The following CATSPERT variants were observed in gnomAD, a reference collection of about 807,000 sequenced individuals.
CATSPERT encodes the protein catsper channel auxiliary subunit tau, also known as cation channel sperm-associated targeting subunit tau.
the CATSPERT span, chr2:201,496,022 A>AAT: frequency 1.7e-6 from 2 of 1,187,032 alleles, no homozygotes; most frequent in Non-Finnish European, 2.4e-6. Flanking sequence ...AAGAATATCA[A>AAT]GATCATTTTA....
chr2:201,526,848 C>A, the CATSPERT span, among the ~76,000 whole-genome samples: 2 of 152,098 alleles, frequency 1.3e-5, no homozygotes, highest in African/African-American at 4.8e-5. Context: ...CCTTGAGAAC[C>A]AAAACAAGAC....
chr2:201,616,509 C>A, the CATSPERT span, among the ~76,000 whole-genome samples: 1 of 152,126 alleles, frequency 6.6e-6, no homozygotes, highest in Non-Finnish European at 1.5e-5. Flanking sequence ...ATTCAACAGC[C>A]CTTCATGCTA....
At chr2:201,613,976 G>C in the CATSPERT span, among the ~76,000 whole-genome samples, 3 of 152,130 alleles carry the variant, frequency 2.0e-5, no homozygotes, top group African/African-American at 7.2e-5. Flanking sequence ...AAGATCAAAT[G>C]AATGAAATGA....
the CATSPERT span, among the ~76,000 whole-genome samples, chr2:201,578,545 C>T: frequency 1.3e-5 from 2 of 152,002 alleles, no homozygotes; most frequent in Non-Finnish European, 2.9e-5. Flanking sequence ...TTTTCAGTTC[C>T]AGAATATGTA....
the CATSPERT span, among the ~76,000 whole-genome samples, chr2:201,611,724 A>C: frequency 6.6e-6 from 1 of 152,084 alleles, no homozygotes; most frequent in Non-Finnish European, 1.5e-5. Flanking sequence ...TTGAATTATG[A>C]GAAAATATTT....
the CATSPERT span, among the ~76,000 whole-genome samples, chr2:201,613,643 C>A: frequency 6.6e-6 from 1 of 152,118 alleles, no homozygotes; most frequent in African/African-American, 2.4e-5. Flanking sequence ...ATCAGAGTGC[C>A]GTTTCTCCTA....
At chr2:201,534,795 CTT>C in the CATSPERT span, 8 of 915,832 alleles carry the variant, frequency 8.7e-6, no homozygotes, top group Non-Finnish European at 1.0e-5. Context: ...TAATTTCAAA[CTT>C]AATGTCCAAC....
chr2:201,613,434 C>G, the CATSPERT span, among the ~76,000 whole-genome samples: 35 of 152,300 alleles, frequency 2.3e-4, no homozygotes, highest in African/African-American at 7.5e-4. Context: ...GATACCCAGG[C>G]AAACAGGGTC....
the CATSPERT span, among the ~76,000 whole-genome samples, chr2:201,607,454 C>T: frequency 6.6e-6 from 1 of 152,132 alleles, no homozygotes; most frequent in Non-Finnish European, 1.5e-5. Context: ...GAGTTCGAGA[C>T]CAGCCTGGGA....
the CATSPERT span, chr2:201,603,133 A>G: frequency 5.1e-6 from 6 of 1,177,030 alleles, no homozygotes; most frequent in Non-Finnish European, 2.4e-6. Flanking sequence ...GTGTTAAGCC[A>G]CTAAGTTTTG....
At chr2:201,541,531 T>TCATA in the CATSPERT span, among the ~76,000 whole-genome samples, 1 of 92,768 alleles carries the variant, frequency 1.1e-5, no homozygotes. Context: ...TCAGATGATT[T>TCATA]TATATATATA....
the CATSPERT span, among the ~76,000 whole-genome samples, chr2:201,512,070 A>G: frequency 6.6e-6 from 1 of 151,960 alleles, no homozygotes; most frequent in East Asian, 1.9e-4. Context: ...ATACTGGAAT[A>G]TATGTTTAGT....
chr2:201,611,681 A>T, the CATSPERT span, among the ~76,000 whole-genome samples: 1 of 120,570 alleles, frequency 8.3e-6, no homozygotes, highest in Admixed American at 1.0e-4. Context: ...GCACAGCAAA[A>T]AGCACTATCA....
At chr2:201,522,847 G>A in the CATSPERT span, among the ~76,000 whole-genome samples, 8 of 152,306 alleles carry the variant, frequency 5.3e-5, no homozygotes, top group African/African-American at 1.7e-4. Flanking sequence ...TAGAACAGGG[G>A]TATCTTGCCT....
chr2:201,493,746 C>T, the CATSPERT span: 1 of 1,537,216 alleles, frequency 6.5e-7, no homozygotes, highest in South Asian at 1.2e-5. Context: ...ATATTTGCCT[C>T]ATAATGTAGT....
chr2:201,545,629 C>CAAAAAA, the CATSPERT span: 417 of 156,440 alleles, frequency 2.7e-3, 3 homozygotes, highest in Middle Eastern at 7.9e-3. Context: ...TTCCTAGAAG[C>CAAAAAA]AAAAAAAAAA....
the CATSPERT span, among the ~76,000 whole-genome samples, chr2:201,525,204 CA>C: frequency 6.6e-6 from 1 of 152,082 alleles, no homozygotes; most frequent in Non-Finnish European, 1.5e-5. Flanking sequence ...ATTGGCCACA[CA>C]ACCAGAAATA....
At chr2:201,494,244 G>T in the CATSPERT span, 1 of 1,536,802 alleles carries the variant, frequency 6.5e-7, no homozygotes, top group South Asian at 1.2e-5. Context: ...TTGCTTCACT[G>T]TTCATACTAA....
chr2:201,596,550 C>T, the CATSPERT span, among the ~76,000 whole-genome samples: 1 of 152,188 alleles, frequency 6.6e-6, no homozygotes, highest in Non-Finnish European at 1.5e-5. Context: ...ACCAAGCCTG[C>T]ACATGTACCC....
Sources: allele counts gnomAD v4.1 joint callset (sites outside exome capture counted in the v4.1 genomes callset), GRCh38; gene constraint gnomAD v4.1.1; transcripts MANE v1.5; gene names NCBI Gene and HGNC (gene_info 2026-07-23, HGNC 2026-07-21).